TSC22D2: variants seen among roughly 807,000 people sequenced by gnomAD.
The protein encoded by TSC22D2 is TSC22 domain family member 2, also known as TSC22 domain family protein 2.
In TSC22D2, 5 loss-of-function variants were observed where a neutral mutation model predicts 50.1. The ratio of observed to expected loss-of-function variants is 0.10; its 90% CI spans 0.05 to 0.21. The LOEUF (loss-of-function observed/expected upper bound fraction) is 0.21. Ranked by LOEUF, TSC22D2 falls within the 10% of genes least tolerant of loss-of-function variation. The pLI is 1.00. For missense variants in TSC22D2, 1,003 were observed against 1,015.5 expected (o/e 0.99, Z 0.17); for synonymous variants, 501 against 450.1 (o/e 1.11, Z -1.43).
In TSC22D2 at chr3:150,461,560, A is replaced by T. The variant is rs1721400140; in HGVS notation, c.*2924A>T. Reference sequence around the variant, plus strand: ...ACAATTCAAACCTAACTTTCCCCAAATAAAATTTAGTTTGTTCCGATGTGA... The same window carrying T: ...ACAATTCAAACCTAACTTTCCCCAATTAAAATTTAGTTTGTTCCGATGTGA... On this transcript the variant is annotated 3_prime_UTR_variant, in exon 3 of 3. Transcript: ENST00000688009. 1 of 152,198 alleles carries T rather than the reference A, an allele frequency of 6.6e-6. No homozygotes were observed. Among genetic ancestry groups the T allele is most frequent in the South Asian group, 2.1e-4 (1 of 4,828 alleles). 9.4% of individuals were successfully genotyped at this position (152,198 alleles called of 1,614,324 possible).
chr3:150,415,720 G>A (rs1719771560), intron 1 of TSC22D2, among the ~76,000 whole-genome samples: 1 of 152,150 alleles, frequency 6.6e-6, no homozygotes. Flanking sequence ...GGAGGCTGTA[G>A]GAGGAGGATT....
At chr3:150,423,021 A>G (rs969209502) in intron 1 of TSC22D2, 1 of 1,587,362 alleles carries the variant, frequency 6.3e-7, no homozygotes, top group Non-Finnish European at 8.6e-7. Context: ...TCTCAACCTC[A>G]TTTCCATTTG....
At chr3:150,418,749 A>AT (rs1014191304) in intron 1 of TSC22D2, among the ~76,000 whole-genome samples, 44 of 151,968 alleles carry the variant, frequency 2.9e-4, no homozygotes, top group African/African-American at 9.4e-4. Flanking sequence ...AGAAATTTCG[A>AT]TTTTTATAGT....
chr3:150,413,501 C>A (rs1719668471), intron 1 of TSC22D2, among the ~76,000 whole-genome samples: 1 of 149,720 alleles, frequency 6.7e-6, no homozygotes, highest in Non-Finnish European at 1.5e-5. Flanking sequence ...GTCACTGGTC[C>A]AACATACCTG....
At chr3:150,413,857 A>G (rs1382239367) in intron 1 of TSC22D2, among the ~76,000 whole-genome samples, 1 of 148,430 alleles carries the variant, frequency 6.7e-6, no homozygotes, top group Non-Finnish European at 1.5e-5. Context: ...ATCCTAAGGA[A>G]ATATTTGTAA....
intron 1 of TSC22D2, among the ~76,000 whole-genome samples, chr3:150,419,623 G>GT (rs955146477): frequency 2.6e-5 from 4 of 151,948 alleles, no homozygotes; most frequent in Non-Finnish European, 4.4e-5. Context: ...TGGAATGTTT[G>GT]TTTTTTTCTC....
intron 1 of TSC22D2, among the ~76,000 whole-genome samples, chr3:150,439,790 G>C (rs1397343719): frequency 6.6e-6 from 1 of 152,154 alleles, no homozygotes; most frequent in Non-Finnish European, 1.5e-5. Flanking sequence ...TATGAGTCGT[G>C]AAAGAAATTT....
In TSC22D2 at chr3:150,458,423, A is replaced by C. The variant is rs371339238; in HGVS notation, c.2058A>C (p.Glu686Asp). 1 of 1,613,976 alleles carries C rather than the reference A, an allele frequency of 6.2e-7. No individual in the cohort carries two copies. Among genetic ancestry groups the C allele is most frequent in the African/African-American group, 1.3e-5 (1 of 74,886 alleles). ...HLMYAVREEV[E>D]VLKEQIKELV... Reference sequence around the variant, plus strand: ...TGTATGCAGTAAGAGAAGAAGTGGAAGTTTTAAAGGAACAAATAAAAGAAT... The same window carrying C: ...TGTATGCAGTAAGAGAAGAAGTGGACGTTTTAAAGGAACAAATAAAAGAAT... Residue 686 changes from glutamate to aspartate, a missense_variant, in exon 3 of 3, where the codon GAA (glutamate) becomes GAC (aspartate). Around this residue, in one of 6 missense-constraint regions of TSC22D2, gnomAD observed 17 missense variants for 57.7 expected, o/e 0.29. Transcript: ENST00000688009.
At position 150,429,275 on chromosome 3, in the gene TSC22D2, C is replaced by G. The variant is rs149394039; in HGVS notation, c.1958+17967C>G. On this transcript the variant is annotated intron_variant, in intron 1 of 2. Transcript: ENST00000688009. ...AGGAGTGGTGGTAAATGAAGCCCCA[C>G]AAATAACTAGGCACCAGTTATCACC... Among the ~76,000 whole-genome samples the G allele has an allele frequency of 2.2e-3, 338 of 152,142 alleles. 1 individual carries two copies. The highest frequency in any genetic ancestry group is 7.9e-3 in the African/African-American group (328 of 41,530).
intron 1 of TSC22D2, among the ~76,000 whole-genome samples, chr3:150,435,457 C>T (rs1357602776): frequency 6.6e-6 from 1 of 152,054 alleles, no homozygotes; most frequent in East Asian, 1.9e-4. Context: ...AAAGGGTTGC[C>T]CTGTTTCCCC....
chr3:150,452,393 T>C (rs6763422), intron 1 of TSC22D2, among the ~76,000 whole-genome samples: 120,057 of 151,854 alleles, frequency 0.79, 48,205 homozygotes, highest in African/African-American at 0.92. Flanking sequence ...TGCGGTGAGC[T>C]GAGATCGCGC....
chr3:150,444,282 A>G (rs1720809801), intron 1 of TSC22D2, among the ~76,000 whole-genome samples: 1 of 152,222 alleles, frequency 6.6e-6, no homozygotes, highest in Admixed American at 6.5e-5. Context: ...TGAGCTCAAT[A>G]TAACATCTGT....
chr3:150,427,195 A>G (rs533604597), intron 1 of TSC22D2, among the ~76,000 whole-genome samples: 128 of 152,254 alleles, frequency 8.4e-4, no homozygotes, highest in African/African-American at 2.9e-3. Flanking sequence ...GGACTTGTAA[A>G]ATTTTTTTAT....
rs752529992 is a variant in TSC22D2, at chr3:150,410,398, G to T, written c.1048G>T (p.Ala350Ser). The change falls in exon 1 of 3, where the codon GCG becomes TCG. Residue 350 changes from alanine to serine, a missense_variant. By Grantham distance (99) the Ala-to-Ser change is moderately conservative. Around this residue, in one of 6 missense-constraint regions of TSC22D2, gnomAD observed 696 missense variants for 647.8 expected, o/e 1.07. Transcript: ENST00000688009. ...GCCGGGCCCTGCAGTGGGCGCCCCC[G>T]CGGCGCAGCAGCCCCAGCAGTTCGC... The part of the protein sequence containing the change: ...PQPGPAVGAP[A>S]AQQPQQFAYP... 6.2e-7 allele frequency: 1 copy of T among 1,607,294 alleles called. No individual in the cohort carries two copies. Among genetic ancestry groups the T allele is most frequent in the Non-Finnish European group, 8.5e-7 (1 of 1,177,720 alleles).
chr3:150,447,366 C>T (rs1720917524), intron 1 of TSC22D2, among the ~76,000 whole-genome samples: 1 of 152,086 alleles, frequency 6.6e-6, no homozygotes, highest in African/African-American at 2.4e-5. Flanking sequence ...TTTGTTTTCT[C>T]CTATGGTTTG....
At chr3:150,419,956 G>A (rs1440198638) in intron 1 of TSC22D2, among the ~76,000 whole-genome samples, 1 of 152,108 alleles carries the variant, frequency 6.6e-6, no homozygotes, top group Non-Finnish European at 1.5e-5. Flanking sequence ...TAAAAAGCTG[G>A]TTTCAAATTT....
chr3:150,409,811 C>T lies in TSC22D2; in HGVS notation c.461C>T (p.Pro154Leu), dbSNP rs753196895. The T allele has an allele frequency of 2.4e-5, 39 of 1,604,326 alleles. No homozygotes were observed. Among genetic ancestry groups the T allele is most frequent in the Non-Finnish European group, 2.9e-5 (34 of 1,179,968 alleles). The change falls in exon 1 of 3, where the codon CCT becomes CTT. Residue 154 changes from proline to leucine, a missense_variant. Transcript: ENST00000688009. The surrounding 1 kb of genome is among the most constrained non-coding windows in gnomAD (Gnocchi z 7.4). ...AGPVTAAPSQPPTTCSSRFRV... is the reference protein window; with the variant it reads ...AGPVTAAPSQLPTTCSSRFRV... Reference sequence around the variant, plus strand: ...CCAGTGACTGCAGCCCCATCTCAGCCTCCCACCACATGTAGTTCCCGTTTT... The same window carrying T: ...CCAGTGACTGCAGCCCCATCTCAGCTTCCCACCACATGTAGTTCCCGTTTT...
At chr3:150,440,750 T>C (rs1720688179) in intron 1 of TSC22D2, among the ~76,000 whole-genome samples, 1 of 152,106 alleles carries the variant, frequency 6.6e-6, no homozygotes, top group East Asian at 1.9e-4. Context: ...ATGAAGTTTT[T>C]TGGTTTTGTT....
chr3:150,436,162 G>A (rs1196297537), intron 1 of TSC22D2, among the ~76,000 whole-genome samples: 1 of 151,982 alleles, frequency 6.6e-6, no homozygotes, highest in Non-Finnish European at 1.5e-5. Context: ...TATAACTTTT[G>A]TATCTTTTAA....
Sources: gnomAD v4.1 joint callset for allele counts (sites outside exome capture counted in the v4.1 genomes callset) on GRCh38, gnomAD v4.1.1 for gene constraint, gnomAD v4.1.1 regional missense constraint, Gnocchi (gnomAD v3.1) non-coding constraint, MANE v1.5 for transcripts, NCBI Gene and HGNC (gene_info 2026-07-23, HGNC 2026-07-21) for gene names.